Variants in FMN2 observed in about 807,000 individuals in gnomAD.
FMN2 encodes formin 2, also known as formin-2.
In FMN2, 51 loss-of-function variants were observed where a neutral mutation model predicts 142.3. The observed-to-expected ratio is 0.36, with a 90% CI of 0.29 to 0.45. FMN2 has a LOEUF of 0.45. Ranked by LOEUF, FMN2 falls within the 20% of genes least tolerant of loss-of-function variation. The probability of loss-of-function intolerance (pLI) is 1.00; values close to 1 mark genes in which losing one functional copy is unlikely to be tolerated. For missense variants in FMN2, 1,936 were observed against 2,122.8 expected, an observed-to-expected ratio of 0.91 and a Z score of 1.73; for synonymous variants, 882 against 869.8, an observed-to-expected ratio of 1.01 and a Z score of -0.25.
chr1:240,429,379 C>T (rs763326501), intron 15 of FMN2, among the ~76,000 whole-genome samples: 3 of 152,146 alleles, frequency 2.0e-5, no homozygotes, highest in Non-Finnish European at 4.4e-5. Flanking sequence ...TTTGCAATCT[C>T]CTGTATTCCG....
chr1:240,119,668 C>T (rs534784235), intron 1 of FMN2, among the ~76,000 whole-genome samples: 1 of 152,292 alleles, frequency 6.6e-6, no homozygotes, highest in Non-Finnish European at 1.5e-5. Context: ...GGTACAGAGA[C>T]CCTTGATTAA....
intron 1 of FMN2, among the ~76,000 whole-genome samples, chr1:240,104,026 G>T (rs1163129332): frequency 6.6e-6 from 1 of 151,324 alleles, no homozygotes; most frequent in African/African-American, 2.4e-5. Context: ...ACAGGCGCCC[G>T]CCACCTCGCC....
chr1:240,197,122 C>T (rs976388603), intron 4 of FMN2, among the ~76,000 whole-genome samples: 2 of 152,114 alleles, frequency 1.3e-5, no homozygotes, highest in African/African-American at 2.4e-5. Context: ...CCCCCAGCCT[C>T]GGGAACTGGG....
At chr1:240,152,753 G>C (rs547721189) in intron 2 of FMN2, among the ~76,000 whole-genome samples, 19 of 152,314 alleles carry the variant, frequency 1.2e-4, no homozygotes, top group Non-Finnish European at 1.9e-4. Flanking sequence ...TCCATGCAGA[G>C]AGAAGCCTGC....
intron 4 of FMN2, among the ~76,000 whole-genome samples, chr1:240,206,410 C>T (rs1396312221): frequency 1.3e-5 from 2 of 152,118 alleles, no homozygotes; most frequent in Non-Finnish European, 2.9e-5. Flanking sequence ...GCAGTGACTA[C>T]CTTTAAAATT....
At chr1:240,238,755 T>G (rs1441705057) in intron 6 of FMN2, among the ~76,000 whole-genome samples, 2 of 152,326 alleles carry the variant, frequency 1.3e-5, no homozygotes, top group African/African-American at 2.4e-5. Flanking sequence ...GTAGCATTAC[T>G]TGAAAAACCC....
chr1:240,312,112 G>C (rs1209777618), intron 8 of FMN2, among the ~76,000 whole-genome samples: 1 of 152,138 alleles, frequency 6.6e-6, no homozygotes, highest in Non-Finnish European at 1.5e-5. Context: ...TTTTGTAGGC[G>C]GGTAGGTTCT....
intron 4 of FMN2, among the ~76,000 whole-genome samples, chr1:240,206,575 T>A (rs1454038674): frequency 6.6e-6 from 1 of 152,118 alleles, no homozygotes; most frequent in Non-Finnish European, 1.5e-5. Flanking sequence ...CATTTGAAAA[T>A]GAGACAGATG....
chr1:240,147,912 T>C (rs1405191630), intron 2 of FMN2, among the ~76,000 whole-genome samples: 1 of 152,218 alleles, frequency 6.6e-6, no homozygotes, highest in Non-Finnish European at 1.5e-5. Context: ...GAATTTTTGA[T>C]AAGCCAGATT....
At chr1:240,366,243 A>G (rs1408585006) in intron 14 of FMN2, among the ~76,000 whole-genome samples, 4 of 152,126 alleles carry the variant, frequency 2.6e-5, no homozygotes, top group Non-Finnish European at 4.4e-5. Flanking sequence ...TCTTTCTCCA[A>G]TCTTATACCT....
chr1:240,139,276 G>T (rs113217299), intron 2 of FMN2, among the ~76,000 whole-genome samples: 5 of 42,712 alleles, frequency 1.2e-4, no homozygotes, highest in Admixed American at 2.4e-4. Flanking sequence ...TTCACACTGT[G>T]TGTAAAATTC....
intron 2 of FMN2, chr1:240,170,556 A>C: frequency 6.4e-7 from 1 of 1,561,150 alleles, no homozygotes; most frequent in African/African-American, 1.4e-5. Context: ...GTACCAGCAG[A>C]TTTACTTGCA....
At chr1:240,187,988 C>A (rs1665550799) in intron 3 of FMN2, among the ~76,000 whole-genome samples, 1 of 151,908 alleles carries the variant, frequency 6.6e-6, no homozygotes, top group South Asian at 2.1e-4. Context: ...TAGGAATATC[C>A]CAATTTTTAA....
chr1:240,151,212 GATA>G (rs1663757768), intron 2 of FMN2, among the ~76,000 whole-genome samples: 1 of 152,138 alleles, frequency 6.6e-6, no homozygotes, highest in African/African-American at 2.4e-5. Flanking sequence ...TTTAAATGAT[GATA>G]ATAATAACTG....
At chr1:240,361,179 A>ATATATATATATATG (rs1672467593) in intron 14 of FMN2, among the ~76,000 whole-genome samples, 1 of 105,996 alleles carries the variant, frequency 9.4e-6, no homozygotes, top group African/African-American at 3.4e-5. Flanking sequence ...ATATATATAT[A>ATATATATATATATG]TATATAAAAG....
intron 8 of FMN2, among the ~76,000 whole-genome samples, chr1:240,313,046 A>G (rs989179382): frequency 4.6e-5 from 7 of 152,210 alleles, no homozygotes; most frequent in African/African-American, 1.7e-4. Flanking sequence ...CAATACAGAA[A>G]TTAATCCCTT....
At chr1:240,352,584 A>G (rs752847464) in intron 13 of FMN2, among the ~76,000 whole-genome samples, 6 of 152,086 alleles carry the variant, frequency 3.9e-5, no homozygotes, top group Non-Finnish European at 7.4e-5. Flanking sequence ...TTGTCTCAAA[A>G]AAAATTTAAA....
intron 6 of FMN2, among the ~76,000 whole-genome samples, chr1:240,224,567 A>G (rs1426203083): frequency 2.0e-5 from 3 of 152,106 alleles, no homozygotes; most frequent in Non-Finnish European, 4.4e-5. Flanking sequence ...TGTCTCGTTG[A>G]TCTGTCAAAT....
intron 5 of FMN2, 106 bp downstream of exon 5, chr1:240,208,838 T>C: frequency 7.1e-7 from 1 of 1,406,170 alleles, no homozygotes; most frequent in Non-Finnish European, 9.6e-7. Context: ...TAAGCACAAC[T>C]CTAAAACTCG....
Sources: gnomAD v4.1 joint callset for allele counts (sites outside exome capture counted in the v4.1 genomes callset) on GRCh38, gnomAD v4.1.1 for gene constraint, MANE v1.5 for transcripts, NCBI Gene and HGNC (gene_info 2026-07-23, HGNC 2026-07-21) for gene names.